GALNT16: variants seen among roughly 807,000 people sequenced by gnomAD.
The protein encoded by GALNT16 is UDP-GalNAc:polypeptide N-acetylgalactosaminyltransferase-like protein 1.
In GALNT16, 40 loss-of-function variants were observed where a neutral mutation model predicts 76.1. That is an observed-to-expected ratio of 0.53 (90% CI 0.41 to 0.68). The LOEUF is 0.68. Ranked by LOEUF, GALNT16 falls within the 30% of genes least tolerant of loss-of-function variation. The pLI, the probability that GALNT16 is intolerant of heterozygous loss-of-function variation, is 0.00. For synonymous variants in GALNT16, 276 were observed against 285.2 expected (o/e 0.97, Z 0.32); for missense variants, 621 against 731.9 (o/e 0.85, Z 1.75).
At position 69,324,738 on chromosome 14, in the gene GALNT16, A is replaced by G. The variant is rs755538359; in HGVS notation, c.382A>G (p.Ile128Val). 49 of 1,613,180 alleles carry G rather than the reference A, an allele frequency of 3.0e-5. No individual in the cohort carries two copies. The highest frequency in any genetic ancestry group is 4.1e-5 in the Non-Finnish European group (48 of 1,179,510). Residue 128 changes from isoleucine to valine, a missense_variant, in exon 3 of 15, where the codon ATC becomes GTC. By Grantham distance (29) the Ile-to-Val change is conservative. Coordinates refer to ENST00000448469, the MANE Select transcript of GALNT16 (RefSeq NM_001168368.2). ...CTCGGACCTGCCAGCCACCAGCGTC[A>G]TCATCACCTTCCACAATGAGGCCCG... ...YSSDLPATSV[I>V]ITFHNEARST... is the part of the protein sequence containing the mutation.
At position 69,352,416 on chromosome 14, in the gene GALNT16, G is replaced by T; in HGVS notation, c.*248G>T. Reference sequence around the variant, plus strand: ...GAGATGGTCAGGGTGCTGGACTGTTGCTGGGTAGAGACTGAGTAGGTGCCC... The same window carrying T: ...GAGATGGTCAGGGTGCTGGACTGTTTCTGGGTAGAGACTGAGTAGGTGCCC... On this transcript the variant is annotated 3_prime_UTR_variant, in exon 15 of 15. Coordinates refer to ENST00000448469, the MANE Select transcript of GALNT16 (RefSeq NM_001168368.2). The T allele has an allele frequency of 2.1e-6, 1 of 478,968 alleles. No homozygotes were observed. Among genetic ancestry groups the T allele is most frequent in the South Asian group, 3.2e-5 (1 of 30,828 alleles). The allele number at this position is 478,968 out of a possible 1,614,324, so 29.7% of individuals were successfully genotyped here.
At chr14:69,316,577 G>A (rs1386025922) in intron 1 of GALNT16, among the ~76,000 whole-genome samples, 1 of 152,232 alleles carries the variant, frequency 6.6e-6, no homozygotes, top group Non-Finnish European at 1.5e-5. Flanking sequence ...AAGGCTCACA[G>A]AGGAGGTGAG....
chr14:69,331,603 G>T (rs1463367841), intron 7 of GALNT16, 52 bp downstream of exon 7: 2 of 1,024,884 alleles, frequency 2.0e-6, no homozygotes, highest in Non-Finnish European at 3.1e-6. Context: ...AGGTAGGTGA[G>T]GCTAGGCAGG....
intron 1 of GALNT16, among the ~76,000 whole-genome samples, chr14:69,264,024 C>G (rs919425380): frequency 1.3e-5 from 2 of 152,198 alleles, no homozygotes; most frequent in African/African-American, 4.8e-5. Context: ...TCACAGTTGG[C>G]GAGAACATTT....
the GALNT16 span, among the ~76,000 whole-genome samples, chr14:69,375,321 G>T: frequency 6.6e-6 from 1 of 152,138 alleles, no homozygotes; most frequent in Non-Finnish European, 1.5e-5. Flanking sequence ...CACATATAGT[G>T]GTGTCTTGCT....
At chr14:69,315,927 C>T (rs373865256) in intron 1 of GALNT16, among the ~76,000 whole-genome samples, 1 of 152,090 alleles carries the variant, frequency 6.6e-6, no homozygotes, top group Non-Finnish European at 1.5e-5. Flanking sequence ...CAAGAAGATT[C>T]TCATTTTGCA....
intron 7 of GALNT16, chr14:69,332,401 TAGCCACATTTCA>T (rs2045362328): frequency 1.3e-5 from 2 of 152,780 alleles, no homozygotes; most frequent in Non-Finnish European, 2.9e-5. Context: ...TTAACTGTAC[TAGCCACATTTCA>T]AGGCTCAGTA....
chr14:69,324,862 C>T (rs2045258741), intron 3 of GALNT16, 72 bp downstream of exon 3: 2 of 992,718 alleles, frequency 2.0e-6, no homozygotes, highest in East Asian at 2.6e-5. Flanking sequence ...GCGCTGTGGC[C>T]AGACAGCTTG....
chr14:69,339,754 C>G, intron 11 of GALNT16, 135 bp downstream of exon 11: 1 of 595,144 alleles, frequency 1.7e-6, no homozygotes, highest in South Asian at 2.1e-5. Flanking sequence ...TAATGGGCTT[C>G]TTTGGGTCCT....
chr14:69,320,717 G>A lies in GALNT16; in HGVS notation c.184G>A (p.Gly62Arg), dbSNP rs1161805460. 6.2e-7 allele frequency: 1 copy of A among 1,613,678 alleles called. No individual in the cohort carries two copies. The highest frequency in any genetic ancestry group is 8.5e-7 in the Non-Finnish European group (1 of 1,179,748). Residue 62 changes from glycine to arginine, a missense_variant, in exon 2 of 15, where the codon GGA becomes AGA. Physicochemically the swap from Gly to Arg is moderately radical, Grantham distance 125. Transcript: ENST00000448469. ...EDRTIPLIVTGTPSKGFDEKA... is the reference protein window; with the variant it reads ...EDRTIPLIVTRTPSKGFDEKA... ...ATGCTGACCTTCATCTCAGGTGACA[G>A]GAACTCCCTCGAAAGGCTTTGATGA... is the stretch of plus-strand genomic sequence containing the variant.
chr14:69,287,025 A>G (rs1209277638), intron 1 of GALNT16, among the ~76,000 whole-genome samples: 1 of 152,170 alleles, frequency 6.6e-6, no homozygotes, highest in Non-Finnish European at 1.5e-5. Context: ...TGACCAGTGT[A>G]GCCCCCATCA....
At chr14:69,267,738 G>T (rs1331623938) in intron 1 of GALNT16, among the ~76,000 whole-genome samples, 1 of 152,138 alleles carries the variant, frequency 6.6e-6, no homozygotes. Flanking sequence ...GCTCAGCCCT[G>T]CCCTCAAGGG....
intron 14 of GALNT16, 36 bp from the exon 15 acceptor site, chr14:69,351,994 TC>T (rs1484548410): frequency 6.4e-7 from 1 of 1,564,248 alleles, no homozygotes; most frequent in Admixed American, 1.9e-5. Flanking sequence ...ATCATTGTTT[TC>T]TCCTTCCTCT....
chr14:69,327,435 A>G (rs1256255048), intron 5 of GALNT16, among the ~76,000 whole-genome samples: 1 of 152,250 alleles, frequency 6.6e-6, no homozygotes, highest in Non-Finnish European at 1.5e-5. Context: ...CCTTCAAACC[A>G]GAATGGAAGT....
At position 69,261,259 on chromosome 14, in the gene GALNT16, G is replaced by C. The variant is rs1405948256; in HGVS notation, c.177+792G>C. Among the ~76,000 whole-genome samples the C allele has an allele frequency of 6.6e-6, 1 of 152,122 alleles. No homozygotes were observed. Among genetic ancestry groups the C allele is most frequent in the Non-Finnish European group, 1.5e-5 (1 of 68,006 alleles). ...GGGGCCCTTGGCGCTCTGGGGACCC[G>C]GGCGGGGGCGTGCGGAGCCGCAGCC... On this transcript the variant is annotated intron_variant, in intron 1 of 14. Transcript: ENST00000448469. The surrounding 1 kb of genome is among the most constrained non-coding windows in gnomAD (Gnocchi z 6.4).
the GALNT16 span, among the ~76,000 whole-genome samples, chr14:69,373,934 C>T: frequency 3.1e-3 from 477 of 152,238 alleles, 4 homozygotes; most frequent in African/African-American, 0.011. Context: ...GTATATGCCA[C>T]CACACCCAGC....
At chr14:69,330,788 A>G (rs1043823350) in intron 6 of GALNT16, among the ~76,000 whole-genome samples, 4 of 152,254 alleles carry the variant, frequency 2.6e-5, no homozygotes, top group Non-Finnish European at 4.4e-5. Context: ...GAAGTTTTAC[A>G]TGTGGTATAT....
In GALNT16 at chr14:69,333,453, C is replaced by A; in HGVS notation, c.864-44C>A. On this transcript the variant is annotated intron_variant, in intron 8 of 14. Transcript: ENST00000448469. The surrounding 1 kb of genome is among the most constrained non-coding windows in gnomAD (Gnocchi z 4.2). ...TGGGGCCATCTAAAGGGCCTCCTTG[C>A]TTCTCCAGCTCACGTGTTGCGTCTT... The A allele has an allele frequency of 8.2e-7, 1 of 1,223,698 alleles. No individual in the cohort carries two copies. The highest frequency in any genetic ancestry group is 1.2e-6 in the Non-Finnish European group (1 of 825,336). The allele number at this position is 1,223,698 out of a possible 1,614,324, so 75.8% of individuals were successfully genotyped here. A position where few individuals can be genotyped will look rare whatever the true frequency, so the allele number is the denominator to read the frequency against.
At chr14:69,373,961 T>G in the GALNT16 span, among the ~76,000 whole-genome samples, 1 of 152,092 alleles carries the variant, frequency 6.6e-6, no homozygotes, top group African/African-American at 2.4e-5. Context: ...TTGCATTTTT[T>G]GTAGAGATGA....
Sources: gnomAD v4.1 joint callset for allele counts (sites outside exome capture counted in the v4.1 genomes callset) on GRCh38, gnomAD v4.1.1 for gene constraint, Gnocchi (gnomAD v3.1) non-coding constraint, MANE v1.5 for transcripts, NCBI Gene and HGNC (gene_info 2026-07-23, HGNC 2026-07-21) for gene names.